LIMCH1: variants seen among roughly 807,000 people sequenced by gnomAD.
The protein encoded by LIMCH1 is LIM and calponin homology domains 1, also known as LIM and calponin homology domains-containing protein 1.
A neutral mutation model predicts 176.5 loss-of-function variants in LIMCH1; 113 were observed. That is an observed-to-expected ratio of 0.64 (90% confidence interval 0.55 to 0.75). The LOEUF is 0.75. Ranked by LOEUF, LIMCH1 falls within the 30% of genes least tolerant of loss-of-function variation. The pLI is 0.00. For synonymous variants in LIMCH1, 619 were observed against 645.9 expected (o/e 0.96, Z 0.63); for missense variants, 1,674 against 1,814.9 (o/e 0.92, Z 1.41).
intron 23 of LIMCH1, among the ~76,000 whole-genome samples, chr4:41,676,961 G>T (rs538525914): frequency 2.7e-3 from 412 of 152,202 alleles, no homozygotes; most frequent in Non-Finnish European, 4.5e-3. Flanking sequence ...TCAGGAGTTG[G>T]AGACCAGCCT....
intron 1 of LIMCH1, among the ~76,000 whole-genome samples, chr4:41,368,461 A>G (rs1022472483): frequency 2.0e-5 from 3 of 152,224 alleles, no homozygotes; most frequent in Non-Finnish European, 2.9e-5. Flanking sequence ...AATACATACT[A>G]TGAAGACAAA....
At chr4:41,650,006 C>G (rs2094222784) in intron 17 of LIMCH1, among the ~76,000 whole-genome samples, 1 of 152,168 alleles carries the variant, frequency 6.6e-6, no homozygotes, top group African/African-American at 2.4e-5. Flanking sequence ...ATATGCTATC[C>G]AGAAAAACAG....
chr4:41,577,659 G>C (rs1359439434), intron 1 of LIMCH1, among the ~76,000 whole-genome samples: 1 of 152,052 alleles, frequency 6.6e-6, no homozygotes, highest in East Asian at 1.9e-4. Context: ...GAACTCCTGG[G>C]CTCAAGCAAT....
In LIMCH1 at chr4:41,461,450, A is replaced by C. The variant is rs146902322; in HGVS notation, c.97-33086A>C. On this transcript the variant is annotated intron_variant, in intron 1 of 26. Coordinates refer to the LIMCH1 transcript ENST00000313860. ...TCTATTGTCTTTTACTTTAAAAAAG[A>C]AGAAGATAAAAAACATAAAATTATA... Among the ~76,000 whole-genome samples the C allele has an allele frequency of 3.0e-3, 454 of 152,320 alleles. 2 individuals carry two copies. The highest frequency in any genetic ancestry group is 9.9e-3 in the African/African-American group (411 of 41,564).
At chr4:41,605,808 C>T (rs2090624439) in intron 3 of LIMCH1, 86 bp from the exon 4 acceptor site, 1 of 752,362 alleles carries the variant, frequency 1.3e-6, no homozygotes. Flanking sequence ...TCCTTCCTGC[C>T]TTCCTGTTAG....
chr4:41,644,780 G>A (rs1302295313), intron 15 of LIMCH1, among the ~76,000 whole-genome samples, 154 bp downstream of exon 15: 1 of 152,168 alleles, frequency 6.6e-6, no homozygotes, highest in Non-Finnish European at 1.5e-5. Flanking sequence ...CTCAAAGGAA[G>A]GTGAGTAGCA....
intron 28 of LIMCH1, among the ~76,000 whole-genome samples, chr4:41,687,371 G>T (rs1721690343): frequency 6.6e-6 from 1 of 152,160 alleles, no homozygotes; most frequent in African/African-American, 2.4e-5. Context: ...GGAAGTCACT[G>T]AAAATAGCTC....
intron 17 of LIMCH1, 70 bp downstream of exon 17, chr4:41,646,963 C>G: frequency 7.3e-7 from 1 of 1,364,550 alleles, no homozygotes. Context: ...AGCATCATGA[C>G]TCAAGAAAAT....
intron 1 of LIMCH1, among the ~76,000 whole-genome samples, chr4:41,481,654 G>A (rs2068654523): frequency 6.6e-6 from 1 of 152,050 alleles, no homozygotes. Flanking sequence ...CGTAGAGACA[G>A]AGAGAAAAGG....
At chr4:41,598,834 C>A in intron 1 of LIMCH1, 86 bp from the exon 2 acceptor site, 3 of 729,058 alleles carry the variant, frequency 4.1e-6, no homozygotes, top group African/African-American at 1.8e-5. Context: ...CCTTAGTGAC[C>A]AGTATCCCTA....
At chr4:41,671,452 A>G in intron 21 of LIMCH1, 102 bp from the exon 22 acceptor site, 1 of 820,304 alleles carries the variant, frequency 1.2e-6, no homozygotes, top group Non-Finnish European at 2.0e-6. Context: ...AATTGGTTTA[A>G]AGCTGATGTA....
chr4:41,382,982 G>A (rs1437110547), intron 1 of LIMCH1, among the ~76,000 whole-genome samples: 1 of 152,166 alleles, frequency 6.6e-6, no homozygotes, highest in Non-Finnish European at 1.5e-5. Context: ...TAAGAGGTGA[G>A]GTCTTGCCAC....
upstream of LIMCH1, among the ~76,000 whole-genome samples, chr4:41,536,132 A>T (rs2077917981): frequency 6.6e-6 from 1 of 152,198 alleles, no homozygotes; most frequent in South Asian, 2.1e-4. Flanking sequence ...TAGCTTACCT[A>T]GAGGATAACT....
At position 41,605,890 on chromosome 4, in the gene LIMCH1, A is replaced by G; in HGVS notation, c.-102-4A>G. The G allele has an allele frequency of 6.2e-7, 1 of 1,600,006 alleles. No homozygotes were observed. The highest frequency in any genetic ancestry group is 8.6e-7 in the Non-Finnish European group (1 of 1,167,572). ...AATCTGCTCTTGTGCGTTTTGTTCC[A>G]CAGGTATTAGTTACCATTTACTGGC... On this transcript the variant is annotated splice_polypyrimidine_tract_variant and splice_region_variant and intron_variant, in intron 3 of 31. Transcript: ENST00000503057.
chr4:41,461,876 C>T (rs540318251), intron 1 of LIMCH1, among the ~76,000 whole-genome samples: 2 of 152,262 alleles, frequency 1.3e-5, no homozygotes, highest in South Asian at 2.1e-4. Context: ...TAAGTAAGAG[C>T]GTAATGAAAT....
At chr4:41,672,378 GA>G (rs1363805603) in intron 22 of LIMCH1, among the ~76,000 whole-genome samples, 2 of 151,754 alleles carry the variant, frequency 1.3e-5, no homozygotes, top group African/African-American at 4.8e-5. Context: ...TCAAAGAAAA[GA>G]AAAAAGAATA....
intron 2 of LIMCH1, among the ~76,000 whole-genome samples, chr4:41,509,426 T>C (rs1216965198): frequency 6.6e-6 from 1 of 152,210 alleles, no homozygotes; most frequent in Non-Finnish European, 1.5e-5. Context: ...CCTTTTTCCA[T>C]TACTGATTTT....
intron 1 of LIMCH1, among the ~76,000 whole-genome samples, chr4:41,554,223 C>T (rs2080930662): frequency 6.6e-6 from 1 of 152,118 alleles, no homozygotes; most frequent in Admixed American, 6.6e-5. Flanking sequence ...TCTATTATTG[C>T]AATTGAACTA....
chr4:41,691,905 A>G (rs540183028), intron 30 of LIMCH1, among the ~76,000 whole-genome samples: 1 of 152,338 alleles, frequency 6.6e-6, no homozygotes, highest in Admixed American at 6.5e-5. Context: ...GTGTTTATTT[A>G]AAGCCACTAG....
Sources: gnomAD v4.1 joint callset for allele counts (sites outside exome capture counted in the v4.1 genomes callset) on GRCh38, gnomAD v4.1.1 for gene constraint, MANE v1.5 for transcripts, NCBI Gene and HGNC (gene_info 2026-07-23, HGNC 2026-07-21) for gene names.